The following MPPED1 variants were observed in gnomAD, a reference collection of about 807,000 sequenced individuals.
MPPED1 encodes metallophosphoesterase domain-containing protein 1.
In MPPED1, 16 loss-of-function variants were observed where a neutral mutation model predicts 36.2. That is an observed-to-expected ratio of 0.44 (90% CI 0.30 to 0.67). MPPED1 has a LOEUF of 0.67. MPPED1 is among the 30% of genes least tolerant of loss of function. The pLI is 0.10. For missense variants in MPPED1, 307 were observed against 453.4 expected (o/e 0.68, Z 2.93); for synonymous variants, 199 against 191.3 (o/e 1.04, Z -0.33).
intron 4 of MPPED1, among the ~76,000 whole-genome samples, chr22:43,480,468 C>A (rs1320110179): frequency 1.3e-5 from 2 of 152,226 alleles, no homozygotes; most frequent in African/African-American, 4.8e-5. Flanking sequence ...GGCCGAGAAT[C>A]TCTTCCCATG....
intron 4 of MPPED1, among the ~76,000 whole-genome samples, chr22:43,491,669 GATGGAGGTGGTGGTT>G (rs1569087177): frequency 1.3e-5 from 2 of 150,554 alleles, no homozygotes; most frequent in African/African-American, 4.9e-5. Flanking sequence ...TGGTGATGGT[GATGGAGGTGGTGGTT>G]ATGGAGGTGG....
chr22:43,483,179 T>C (rs951614016), intron 4 of MPPED1, among the ~76,000 whole-genome samples: 9 of 152,238 alleles, frequency 5.9e-5, no homozygotes, highest in Non-Finnish European at 1.2e-4. Context: ...CTTTCTAACT[T>C]GATAAATATA....
At chr22:43,497,405 A>T (rs1162582314) in intron 4 of MPPED1, among the ~76,000 whole-genome samples, 1 of 151,972 alleles carries the variant, frequency 6.6e-6, no homozygotes, top group African/African-American at 2.4e-5. Context: ...GTCCAGTTTG[A>T]TCCAGCTGTT....
intron 3 of MPPED1, among the ~76,000 whole-genome samples, chr22:43,445,993 C>G (rs1930331448): frequency 6.6e-6 from 1 of 151,064 alleles, no homozygotes; most frequent in South Asian, 2.1e-4. Context: ...GCCTTAGCCC[C>G]CCTAGTAGCT....
intron 4 of MPPED1, among the ~76,000 whole-genome samples, chr22:43,489,362 C>T (rs535596275): frequency 5.3e-4 from 81 of 152,110 alleles, no homozygotes; most frequent in African/African-American, 1.9e-3. Context: ...TGAGATCACC[C>T]CAAGGGGTCT....
intron 5 of MPPED1, among the ~76,000 whole-genome samples, chr22:43,500,419 TGGTAATGGA>T (rs1432458410): frequency 6.7e-6 from 1 of 149,506 alleles, no homozygotes; most frequent in Non-Finnish European, 1.5e-5. Context: ...GTGATGGAGG[TGGTAATGGA>T]GGTGGTGGTG....
chr22:43,499,992 ATGGAGGTGGCGGTGGTGATGG>A (rs1932610491), intron 5 of MPPED1, among the ~76,000 whole-genome samples: 1 of 10,788 alleles, frequency 9.3e-5, no homozygotes, highest in Non-Finnish European at 1.6e-4. Context: ...GGTGATGGTG[ATGGAGGTGGCGGTGGTGATGG>A]TGGAGGTGGT....
In MPPED1 at chr22:43,502,720, C is replaced by A; in HGVS notation, c.825C>A (p.Val275=). The A allele has an allele frequency of 6.2e-7, 1 of 1,613,256 alleles. No individual in the cohort carries two copies. Among genetic ancestry groups the A allele is most frequent in the South Asian group, 1.1e-5 (1 of 91,074 alleles). The change falls in exon 6 of 7, where the codon GTC becomes GTA. Residue 275 remains valine, a synonymous_variant. Coordinates refer to ENST00000443721, the MANE Select transcript of MPPED1 (RefSeq NM_001044370.2). The surrounding 1 kb of genome is among the most constrained non-coding windows in gnomAD (Gnocchi z 5.5). ...TGCTCAACACGGTGCAGAGGCGCGT[C>A]CAGCCGCGGTTACATGTCTTTGGCC... The part of the protein sequence containing the change: ...VELLNTVQRR[V]QPRLHVFGHI...
intron 3 of MPPED1, among the ~76,000 whole-genome samples, chr22:43,467,189 G>A (rs1309625534): frequency 3.3e-5 from 5 of 152,288 alleles, no homozygotes; most frequent in African/African-American, 7.2e-5. Flanking sequence ...GTCAGGCTAC[G>A]CCCCCTGCAC....
At chr22:43,438,868 C>T (rs906570122) in intron 3 of MPPED1, among the ~76,000 whole-genome samples, 8 of 152,162 alleles carry the variant, frequency 5.3e-5, no homozygotes, top group African/African-American at 1.9e-4. Flanking sequence ...CCTTTGCACA[C>T]CCACCTCATC....
intron 4 of MPPED1, among the ~76,000 whole-genome samples, chr22:43,496,127 GTGGTGGAGGTGGTGA>G (rs1932334095): frequency 3.4e-5 from 3 of 87,748 alleles, no homozygotes; most frequent in Non-Finnish European, 6.3e-5. Context: ...GGAGGTGGTG[GTGGTGGAGGTGGTGA>G]TGGTGGAGGT....
At chr22:43,435,555 A>G (rs1929929226) in intron 3 of MPPED1, among the ~76,000 whole-genome samples, 1 of 152,100 alleles carries the variant, frequency 6.6e-6, no homozygotes, top group Admixed American at 6.5e-5. Flanking sequence ...GTAGGGCCTC[A>G]ATAAATAATT....
chr22:43,427,732 C>G (rs1288762741), intron 2 of MPPED1, among the ~76,000 whole-genome samples: 2 of 152,066 alleles, frequency 1.3e-5, no homozygotes, highest in Non-Finnish European at 2.9e-5. Context: ...CTGCTTGGTG[C>G]CTCAGTTTCG....
At chr22:43,495,552 AGATGGTGG>A (rs1932271209) in intron 4 of MPPED1, among the ~76,000 whole-genome samples, 3 of 18,528 alleles carry the variant, frequency 1.6e-4, no homozygotes, top group African/African-American at 8.7e-4. Flanking sequence ...GTGGTGGTGG[AGATGGTGG>A]TGGTGGAGGT....
At chr22:43,458,553 G>A (rs576388155) in intron 3 of MPPED1, among the ~76,000 whole-genome samples, 1 of 152,176 alleles carries the variant, frequency 6.6e-6, no homozygotes, top group African/African-American at 2.4e-5. Context: ...CAAAGTGCTG[G>A]GATTACAGGC....
chr22:43,482,046 G>A (rs1931766026), intron 4 of MPPED1, among the ~76,000 whole-genome samples: 1 of 152,144 alleles, frequency 6.6e-6, no homozygotes, highest in African/African-American at 2.4e-5. Context: ...TTGGGCCTTC[G>A]CTGAGAGCAG....
intron 3 of MPPED1, among the ~76,000 whole-genome samples, chr22:43,458,223 A>G (rs1405372641): frequency 6.6e-6 from 1 of 152,098 alleles, no homozygotes; most frequent in African/African-American, 2.4e-5. Flanking sequence ...TGTATTCCTT[A>G]GTGTAGTTGT....
At chr22:43,437,537 G>GTGAA (rs1930003270) in intron 3 of MPPED1, among the ~76,000 whole-genome samples, 1 of 152,154 alleles carries the variant, frequency 6.6e-6, no homozygotes, top group South Asian at 2.1e-4. Flanking sequence ...CCTTCTTGAG[G>GTGAA]TGAAGCCTCC....
chr22:43,437,005 C>T (rs1239849944), intron 3 of MPPED1, among the ~76,000 whole-genome samples: 2 of 152,232 alleles, frequency 1.3e-5, no homozygotes, highest in African/African-American at 4.8e-5. Flanking sequence ...GGTTCTTTCC[C>T]TCAGGCCTCG....
Sources: gnomAD v4.1 joint callset for allele counts (sites outside exome capture counted in the v4.1 genomes callset) on GRCh38, gnomAD v4.1.1 for gene constraint, Gnocchi (gnomAD v3.1) non-coding constraint, MANE v1.5 for transcripts, NCBI Gene and HGNC (gene_info 2026-07-23, HGNC 2026-07-21) for gene names.